The following NEDD4L variants were observed in gnomAD, a reference collection of about 807,000 sequenced individuals.
The protein encoded by NEDD4L is E3 ubiquitin-protein ligase NEDD4-like.
NEDD4L carries 54 observed loss-of-function variants against 148.9 expected under a neutral mutation model. The observed-to-expected ratio is 0.36, with a 90% CI of 0.29 to 0.45. The LOEUF (loss-of-function observed/expected upper bound fraction) is 0.45, where lower values mean the gene tolerates loss of function less well. Ranked by LOEUF, NEDD4L falls within the 20% of genes least tolerant of loss-of-function variation. The pLI is 1.00. For synonymous variants in NEDD4L, 433 were observed against 440.7 expected (o/e 0.98, Z 0.22); for missense variants, 856 against 1,233.8 (o/e 0.69, Z 4.59).
rs113559923 is a variant in NEDD4L at position 58,304,801 on chromosome 18, A to C, written c.298-11181A>C. Among the ~76,000 whole-genome samples, 275 of 152,334 alleles carry C rather than the reference A, an allele frequency of 1.8e-3. 2 individuals are homozygous for C. The highest frequency in any genetic ancestry group is 6.4e-3 in the African/African-American group (267 of 41,588). On this transcript the variant is annotated intron_variant, in intron 5 of 30. Coordinates refer to ENST00000400345, the MANE Select transcript of NEDD4L (RefSeq NM_001144967.3). ...GGTGAGCAACCACTTGAAAGAGGGGATGGATGAGGATACAAGCCTAAGATG... is the reference window on the plus strand; with the variant it reads ...GGTGAGCAACCACTTGAAAGAGGGGCTGGATGAGGATACAAGCCTAAGATG...
At chr18:58,235,843 A>T (rs908693188) in intron 2 of NEDD4L, among the ~76,000 whole-genome samples, 4 of 152,130 alleles carry the variant, frequency 2.6e-5, no homozygotes, top group Non-Finnish European at 5.9e-5. Flanking sequence ...GTTTATTATA[A>T]AAAGGATAAA....
intron 1 of NEDD4L, among the ~76,000 whole-genome samples, chr18:58,092,668 A>C (rs892605179): frequency 6.6e-6 from 1 of 152,036 alleles, no homozygotes; most frequent in African/African-American, 2.4e-5. Flanking sequence ...ATGGAGGAGA[A>C]GACAAGCAGA....
chr18:58,143,841 G>A (rs938083564), intron 1 of NEDD4L, among the ~76,000 whole-genome samples: 14 of 152,178 alleles, frequency 9.2e-5, no homozygotes, highest in East Asian at 3.8e-4. Flanking sequence ...TTACAGCTAC[G>A]TGCTAGGTTG....
chr18:58,279,451 C>A (rs2052665627), intron 5 of NEDD4L, among the ~76,000 whole-genome samples: 1 of 152,126 alleles, frequency 6.6e-6, no homozygotes, highest in African/African-American at 2.4e-5. Context: ...TTTATACTTG[C>A]AAAGGAGGGC....
intron 1 of NEDD4L, among the ~76,000 whole-genome samples, chr18:58,122,713 A>G (rs1050153949): frequency 6.6e-6 from 1 of 151,356 alleles, no homozygotes; most frequent in Non-Finnish European, 1.5e-5. Context: ...CACCCATCCC[A>G]CTGATGGATT....
At chr18:58,069,351 G>A (rs1479698336) in intron 1 of NEDD4L, among the ~76,000 whole-genome samples, 1 of 152,144 alleles carries the variant, frequency 6.6e-6, no homozygotes, top group Non-Finnish European at 1.5e-5. Context: ...AACTGAAATT[G>A]AGGTTATCTC....
intron 19 of NEDD4L, among the ~76,000 whole-genome samples, chr18:58,363,850 G>A (rs905861531): frequency 2.0e-5 from 3 of 152,112 alleles, no homozygotes; most frequent in African/African-American, 7.2e-5. Context: ...TCGTTAAACC[G>A]TAATTAGACT....
At chr18:58,319,511 G>A (rs2058588445) in intron 6 of NEDD4L, among the ~76,000 whole-genome samples, 1 of 152,188 alleles carries the variant, frequency 6.6e-6, no homozygotes, top group African/African-American at 2.4e-5. Context: ...ATTTTCTTCT[G>A]AATGCTTTTA....
At chr18:58,269,596 T>C (rs1432591766) in intron 5 of NEDD4L, among the ~76,000 whole-genome samples, 4 of 152,078 alleles carry the variant, frequency 2.6e-5, no homozygotes, top group Non-Finnish European at 5.9e-5. Flanking sequence ...AGGGGACCCC[T>C]GGCCAGAAGT....
intron 5 of NEDD4L, among the ~76,000 whole-genome samples, chr18:58,297,775 G>A (rs894746165): frequency 6.6e-6 from 1 of 152,174 alleles, no homozygotes; most frequent in Admixed American, 6.5e-5. Context: ...AGCCCCTGCT[G>A]TGCCTGTTCT....
At chr18:58,190,120 A>G (rs896106917) in intron 2 of NEDD4L, among the ~76,000 whole-genome samples, 1 of 152,238 alleles carries the variant, frequency 6.6e-6, no homozygotes, top group Non-Finnish European at 1.5e-5. Context: ...CTGAATTTCT[A>G]AATTTTCTTC....
At chr18:58,377,824 A>C (rs1205916889) in intron 24 of NEDD4L, among the ~76,000 whole-genome samples, 2 of 152,108 alleles carry the variant, frequency 1.3e-5, no homozygotes, top group Non-Finnish European at 2.9e-5. Flanking sequence ...GCTCACTGCA[A>C]CCTCTGCCTC....
At chr18:58,347,528 C>A (rs2043256520) in intron 16 of NEDD4L, among the ~76,000 whole-genome samples, 1 of 152,130 alleles carries the variant, frequency 6.6e-6, no homozygotes, top group Non-Finnish European at 1.5e-5. Flanking sequence ...TGAATGTTTA[C>A]CAGATTATCA....
At chr18:58,289,077 A>G (rs1450324774) in intron 5 of NEDD4L, among the ~76,000 whole-genome samples, 3 of 152,254 alleles carry the variant, frequency 2.0e-5, no homozygotes, top group Admixed American at 6.5e-5. Flanking sequence ...TAACTAGATC[A>G]CTTGTAAAAA....
intron 2 of NEDD4L, among the ~76,000 whole-genome samples, chr18:58,199,209 C>T (rs1484500087): frequency 6.6e-6 from 1 of 152,244 alleles, no homozygotes; most frequent in Admixed American, 6.5e-5. Context: ...TCCACGTTGA[C>T]ATCTTCTTAC....
At chr18:58,228,641 G>A (rs1327938077) in intron 2 of NEDD4L, among the ~76,000 whole-genome samples, 2 of 152,230 alleles carry the variant, frequency 1.3e-5, no homozygotes, top group Non-Finnish European at 2.9e-5. Context: ...AATCAGTGAG[G>A]TTGGGATGGC....
chr18:58,068,608 C>G (rs929228785), intron 1 of NEDD4L, among the ~76,000 whole-genome samples: 1 of 152,156 alleles, frequency 6.6e-6, no homozygotes, highest in African/African-American at 2.4e-5. Flanking sequence ...AGTGAGAGAG[C>G]TAGATGAGGA....
intron 11 of NEDD4L, 89 bp downstream of exon 11, chr18:58,331,003 C>G: frequency 1.5e-6 from 2 of 1,316,550 alleles, no homozygotes; most frequent in Non-Finnish European, 2.1e-6. Context: ...AAATAGTGAC[C>G]AAGGGTCTTC....
chr18:58,211,443 T>A (rs2042592879), intron 2 of NEDD4L, among the ~76,000 whole-genome samples: 1 of 152,232 alleles, frequency 6.6e-6, no homozygotes, highest in East Asian at 1.9e-4. Context: ...TAGCAGCAGA[T>A]AACCTAGGAA....
Sources: allele counts gnomAD v4.1 joint callset (sites outside exome capture counted in the v4.1 genomes callset), GRCh38; gene constraint gnomAD v4.1.1; transcripts MANE v1.5; gene names NCBI Gene and HGNC (gene_info 2026-07-23, HGNC 2026-07-21).